HTATIP2: variants seen among roughly 807,000 people sequenced by gnomAD.
HTATIP2 encodes the protein HIV-1 Tat interactive protein 2, also known as protein HTATIP2.
A neutral mutation model predicts 24.7 loss-of-function variants in HTATIP2; 26 were observed. The ratio of observed to expected loss-of-function variants is 1.05; its 90% CI spans 0.77 to 1.46. HTATIP2 has a LOEUF of 1.46. Ranked by LOEUF, HTATIP2 falls within the 40% of genes most tolerant of loss-of-function variation. The pLI is 0.00. For synonymous variants in HTATIP2, 99 were observed against 113.2 expected, an observed-to-expected ratio of 0.87 and a Z score of 0.79; for missense variants, 284 against 289.6, an observed-to-expected ratio of 0.98 and a Z score of 0.14.
At position 20,367,281 on chromosome 11, in the gene HTATIP2, G is replaced by A. The variant is rs767719135; in HGVS notation, c.303G>A (p.Ala101=). The A allele has an allele frequency of 7.4e-6, 12 of 1,613,838 alleles. No individual in the cohort carries two copies. Among genetic ancestry groups the A allele is most frequent in the South Asian group, 2.2e-5 (2 of 90,954 alleles). Residue 101 remains alanine, a splice_region_variant and synonymous_variant, in exon 2 of 5, where the codon GCG becomes GCA. Transcript: ENST00000451739. ...GTACCACCAGAGGGAAAGCTGGGGC[G>A]GTAAGGAAGGCATATGCTCTTTTCC... is the stretch of plus-strand genomic sequence containing the variant. ...CLGTTRGKAG[A]EGFVRVDRDY... is the part of the protein sequence containing the mutation.
chr11:20,381,341 G>A (rs1435135934), intron 3 of HTATIP2, among the ~76,000 whole-genome samples: 2 of 152,138 alleles, frequency 1.3e-5, no homozygotes, highest in African/African-American at 4.8e-5. Flanking sequence ...TTGGGAGGCC[G>A]AGGCAGGAGA....
At chr11:20,374,975 T>C (rs1848422332) in intron 2 of HTATIP2, among the ~76,000 whole-genome samples, 1 of 152,150 alleles carries the variant, frequency 6.6e-6, no homozygotes, top group Non-Finnish European at 1.5e-5. Context: ...ACCATTATTC[T>C]GCCTACCACA....
intron 1 of HTATIP2, among the ~76,000 whole-genome samples, chr11:20,366,891 A>C (rs1239951671): frequency 6.6e-6 from 1 of 152,184 alleles, no homozygotes; most frequent in Non-Finnish European, 1.5e-5. Context: ...GGTTAGCTAC[A>C]CACAGGTCTT....
intron 1 of HTATIP2, among the ~76,000 whole-genome samples, chr11:20,365,919 A>G (rs1355402411): frequency 6.7e-6 from 1 of 148,872 alleles, no homozygotes; most frequent in Admixed American, 6.7e-5. Context: ...TGCAGTGAGC[A>G]GAAATTGTGC....
At chr11:20,382,432 A>G (rs561141894) in intron 4 of HTATIP2, among the ~76,000 whole-genome samples, 193 bp downstream of exon 4, 2 of 152,342 alleles carry the variant, frequency 1.3e-5, no homozygotes, top group African/African-American at 2.4e-5. Flanking sequence ...CTGCTTCAGA[A>G]TAGTCTGGAA....
At chr11:20,374,231 T>G (rs1000044665) in intron 2 of HTATIP2, among the ~76,000 whole-genome samples, 2 of 152,218 alleles carry the variant, frequency 1.3e-5, no homozygotes, top group African/African-American at 4.8e-5. Context: ...AGCTCTATAC[T>G]TATGTTTACT....
At position 20,366,625 on chromosome 11, in the gene HTATIP2, TGG is replaced by T. The variant is rs1450664754; in HGVS notation, c.196-547_196-546del. On this transcript the variant is annotated intron_variant, in intron 1 of 4. Coordinates refer to ENST00000451739, the MANE Select transcript of HTATIP2 (RefSeq NM_001098522.2). ...AGATTCTGATTCAGAACTATTGGTG[TGG>T]GATGTAGGAATATGCCTTTTTATTA... 2.0e-5 allele frequency among the ~76,000 whole-genome samples: 3 copies of T among 152,250 alleles called. No homozygotes were observed. The East Asian group carries it at 5.8e-4, about 29-fold the overall frequency.
chr11:20,364,103 C>A lies in HTATIP2; in HGVS notation c.-135C>A. 1 of 1,428,074 alleles carries A rather than the reference C, an allele frequency of 7.0e-7. No individual in the cohort carries two copies. Among genetic ancestry groups the A allele is most frequent in the Non-Finnish European group, 9.2e-7 (1 of 1,089,880 alleles). The allele number at this position is 1,428,074 out of a possible 1,614,324, so 88.5% of individuals were successfully genotyped here. ...GAGCCGCGCCCCGCACGTGACTCAG[C>A]ACTTTCCCCAGAGCCCGGACTGCGG... is the stretch of plus-strand genomic sequence containing the variant. On this transcript the variant is annotated 5_prime_UTR_variant, in exon 1 of 5. Coordinates refer to ENST00000451739, the MANE Select transcript of HTATIP2 (RefSeq NM_001098522.2).
At chr11:20,376,487 C>G in intron 2 of HTATIP2, 93 bp from the exon 3 acceptor site, 3 of 1,347,824 alleles carry the variant, frequency 2.2e-6, no homozygotes, top group Non-Finnish European at 3.2e-6. Flanking sequence ...CTCCATCCTT[C>G]TAGGCCTCCC....
chr11:20,366,458 A>G (rs1453705539), intron 1 of HTATIP2, among the ~76,000 whole-genome samples: 1 of 152,014 alleles, frequency 6.6e-6, no homozygotes. Flanking sequence ...AAGGATGGAA[A>G]CCAACATTTT....
rs560199282 is a variant in HTATIP2 at position 20,383,137 on chromosome 11, C to T, written c.661C>T (p.Gln221Ter). The T allele has an allele frequency of 1.7e-5, 28 of 1,613,952 alleles. No homozygotes were observed. The Admixed American group carries it at 4.0e-4, about 23-fold the overall frequency. ...LNNVVRPRDK[Q>*]MELLENKAIH... ...CAATGTGGTGAGACCAAGAGACAAG[C>T]AGATGGAACTGCTGGAGAACAAGGC... Residue 221 changes from glutamine (Q) to a stop codon, truncating the protein, a stop_gained, in exon 5 of 5, where the codon CAG becomes TAG. Coordinates refer to ENST00000451739, the MANE Select transcript of HTATIP2 (RefSeq NM_001098522.2). LOFTEE classifies it high-confidence loss of function.
chr11:20,367,932 G>T (rs945691331), intron 2 of HTATIP2, among the ~76,000 whole-genome samples: 3 of 152,126 alleles, frequency 2.0e-5, no homozygotes, highest in African/African-American at 7.2e-5. Flanking sequence ...TTACTACCTG[G>T]ATTCTGGGCA....
chr11:20,374,665 C>A (rs538636203), intron 2 of HTATIP2, among the ~76,000 whole-genome samples: 3 of 152,194 alleles, frequency 2.0e-5, no homozygotes, highest in African/African-American at 7.2e-5. Flanking sequence ...AAACTAATCT[C>A]TCTGTTTCAA....
intron 2 of HTATIP2, among the ~76,000 whole-genome samples, chr11:20,370,885 G>A (rs541519617): frequency 1.3e-5 from 2 of 152,256 alleles, no homozygotes; most frequent in Admixed American, 6.5e-5. Context: ...TCCTGACCTC[G>A]TGATCTGCCC....
intron 2 of HTATIP2, among the ~76,000 whole-genome samples, chr11:20,368,858 C>T (rs755407150): frequency 1.3e-5 from 2 of 152,128 alleles, no homozygotes; most frequent in Non-Finnish European, 2.9e-5. Flanking sequence ...GGGGTTGGTT[C>T]TTCACGTCTC....
At position 20,383,274 on chromosome 11, in the gene HTATIP2, A is replaced by T. The variant is rs1412164010; in HGVS notation, c.*69A>T. The T allele has an allele frequency of 6.0e-6, 7 of 1,166,882 alleles. No homozygotes were observed. The highest frequency in any genetic ancestry group is 8.6e-6 in the Non-Finnish European group (7 of 815,680). The allele number at this position is 1,166,882 out of a possible 1,614,324, so 72.3% of individuals were successfully genotyped here. A position where few individuals can be genotyped will look rare whatever the true frequency, so the allele number is the denominator to read the frequency against. On this transcript the variant is annotated 3_prime_UTR_variant, in exon 5 of 5. Transcript: ENST00000451739. ...CACCAAATCGGTAATTTCAGGGTCTAAAAAAAGTCAGCATGTTTTAACTTT... is the reference window on the plus strand; with the variant it reads ...CACCAAATCGGTAATTTCAGGGTCTTAAAAAAGTCAGCATGTTTTAACTTT...
chr11:20,380,138 T>C (rs925484093), intron 3 of HTATIP2, among the ~76,000 whole-genome samples: 3 of 152,206 alleles, frequency 2.0e-5, no homozygotes, highest in African/African-American at 7.2e-5. Context: ...CTAGCCAAAT[T>C]GCAGCCCTCC....
In HTATIP2 at chr11:20,364,325, A is replaced by G. The variant is rs1451731881; in HGVS notation, c.88A>G (p.Thr30Ala). The part of the protein sequence containing the change: ...SVFILGASGE[T>A]GRVLLKEILE... ...CTTTATTTTGGGCGCCAGCGGAGAA[A>G]CCGGCAGAGTGCTCTTAAAGGAAAT... Residue 30 changes from threonine to alanine, a missense_variant, in exon 1 of 5, where the codon ACC (threonine) becomes GCC (alanine). Thr to Ala is a moderately conservative substitution (Grantham distance 58, BLOSUM62 0). Transcript: ENST00000451739. The G allele has an allele frequency of 1.9e-6, 3 of 1,613,684 alleles. No homozygotes were observed. The highest frequency in any genetic ancestry group is 2.5e-6 in the Non-Finnish European group (3 of 1,179,818).
At chr11:20,367,779 G>GATGATTCAACCCCACTA (rs1234508300) in intron 2 of HTATIP2, 1 of 481,910 alleles carries the variant, frequency 2.1e-6, no homozygotes, top group African/African-American at 2.1e-5. Flanking sequence ...AGCCTTCAGC[G>GATGATTCAACCCCACTA]ATGATTCAAC....
Sources: allele counts gnomAD v4.1 joint callset (sites outside exome capture counted in the v4.1 genomes callset), GRCh38; gene constraint gnomAD v4.1.1; transcripts MANE v1.5; gene names NCBI Gene and HGNC (gene_info 2026-07-23, HGNC 2026-07-21).